The following IMMP2L variants were observed in gnomAD, a reference collection of about 807,000 sequenced individuals.
The protein encoded by IMMP2L is mitochondrial inner membrane protease subunit 2.
Under a neutral mutation model 19.3 loss-of-function variants are expected in IMMP2L, and 18 were observed. That is an observed-to-expected ratio of 0.93 (90% CI 0.64 to 1.38). The LOEUF is 1.38. Among genes scored for constraint, IMMP2L ranks in the 40% most tolerant of loss-of-function variants. The pLI is 0.00. For synonymous variants in IMMP2L, 76 were observed against 73.0 expected, an observed-to-expected ratio of 1.04 and a Z score of -0.21; for missense variants, 233 against 218.2, an observed-to-expected ratio of 1.07 and a Z score of -0.43.
At chr7:110,767,990 T>C (rs928294637) in intron 5 of IMMP2L, among the ~76,000 whole-genome samples, 1 of 152,208 alleles carries the variant, frequency 6.6e-6, no homozygotes, top group Non-Finnish European at 1.5e-5. Context: ...GCTGGTAATA[T>C]AGCAGTAAAC....
intron 3 of IMMP2L, among the ~76,000 whole-genome samples, chr7:111,092,395 C>T (rs1447836327): frequency 4.6e-5 from 7 of 152,096 alleles, no homozygotes; most frequent in Admixed American, 2.0e-4. Flanking sequence ...TGGCTTAATT[C>T]GGCTCTAATT....
chr7:110,955,304 T>C (rs1818255381), intron 4 of IMMP2L, among the ~76,000 whole-genome samples: 1 of 151,920 alleles, frequency 6.6e-6, no homozygotes, highest in South Asian at 2.1e-4. Flanking sequence ...TAATCTATGA[T>C]TCTTCAGTAA....
At chr7:110,752,855 T>G (rs6466358) in intron 5 of IMMP2L, among the ~76,000 whole-genome samples, 1 of 152,020 alleles carries the variant, frequency 6.6e-6, no homozygotes, top group African/African-American at 2.4e-5. Context: ...CACAGATTAT[T>G]GAATATTACA....
intron 3 of IMMP2L, among the ~76,000 whole-genome samples, chr7:111,134,126 T>C (rs528110386): frequency 6.6e-6 from 1 of 152,048 alleles, no homozygotes; most frequent in Non-Finnish European, 1.5e-5. Flanking sequence ...GTCAATTGTA[T>C]TTCTTTTTCA....
intron 3 of IMMP2L, among the ~76,000 whole-genome samples, chr7:111,367,520 T>A (rs1829888720): frequency 6.6e-6 from 1 of 151,678 alleles, no homozygotes; most frequent in African/African-American, 2.4e-5. Flanking sequence ...TTAACAAGAG[T>A]TAATACACAG....
intron 3 of IMMP2L, among the ~76,000 whole-genome samples, chr7:110,980,437 C>A (rs543579659): frequency 1.3e-5 from 2 of 151,826 alleles, no homozygotes; most frequent in Non-Finnish European, 2.9e-5. Context: ...ACCGTGGTCT[C>A]GATCTCCTGA....
At chr7:111,393,871 GT>G (rs899205272) in intron 3 of IMMP2L, among the ~76,000 whole-genome samples, 2 of 152,034 alleles carry the variant, frequency 1.3e-5, no homozygotes, top group Non-Finnish European at 2.9e-5. Flanking sequence ...ATGTACGTGT[GT>G]TTTTTTCCAC....
chr7:111,272,355 G>A (rs535837363), intron 3 of IMMP2L, among the ~76,000 whole-genome samples: 1 of 152,104 alleles, frequency 6.6e-6, no homozygotes, highest in African/African-American at 2.4e-5. Flanking sequence ...CAGCTTAAAT[G>A]GCATGTCTAA....
intron 5 of IMMP2L, among the ~76,000 whole-genome samples, chr7:110,851,294 A>T (rs1806201872): frequency 6.6e-6 from 1 of 152,162 alleles, no homozygotes; most frequent in Non-Finnish European, 1.5e-5. Context: ...CTCAGGATAT[A>T]CAAACACACT....
intron 3 of IMMP2L, among the ~76,000 whole-genome samples, chr7:111,284,731 AGAGT>A (rs1207708457): frequency 6.6e-6 from 1 of 152,216 alleles, no homozygotes; most frequent in East Asian, 1.9e-4. Flanking sequence ...AAAGAAATCC[AGAGT>A]GAAATCTCTA....
chr7:110,685,758 T>C (rs1170359545), intron 5 of IMMP2L, among the ~76,000 whole-genome samples: 1 of 152,104 alleles, frequency 6.6e-6, no homozygotes, highest in African/African-American at 2.4e-5. Flanking sequence ...GGAGCTTTTC[T>C]ATATACTAAG....
intron 1 of IMMP2L, among the ~76,000 whole-genome samples, chr7:111,556,014 G>GTGTGTGTGTGTA: frequency 8.7e-6 from 1 of 114,570 alleles, no homozygotes; most frequent in African/African-American, 3.3e-5. Flanking sequence ...TCTTCTGTGT[G>GTGTGTGTGTGTA]CATGTATATA....
intron 3 of IMMP2L, among the ~76,000 whole-genome samples, chr7:111,243,513 TA>T (rs1815436968): frequency 4.3e-5 from 1 of 23,106 alleles, no homozygotes; most frequent in African/African-American, 1.2e-4. Flanking sequence ...CTTGTTGCTT[TA>T]TTTTTTTTTT....
intron 3 of IMMP2L, among the ~76,000 whole-genome samples, chr7:110,969,241 T>C (rs1819881152): frequency 6.6e-6 from 1 of 152,124 alleles, no homozygotes; most frequent in Non-Finnish European, 1.5e-5. Flanking sequence ...TACTGCCTCA[T>C]TTTTAATGAT....
intron 3 of IMMP2L, among the ~76,000 whole-genome samples, chr7:111,053,631 G>A (rs775561898): frequency 6.6e-6 from 1 of 152,160 alleles, no homozygotes; most frequent in Non-Finnish European, 1.5e-5. Flanking sequence ...ATTCCTGGTG[G>A]TGGGGGCTGA....
At chr7:110,689,646 G>A (rs1052840049) in intron 5 of IMMP2L, among the ~76,000 whole-genome samples, 2 of 152,010 alleles carry the variant, frequency 1.3e-5, no homozygotes, top group Non-Finnish European at 2.9e-5. Context: ...GTATCTTTGA[G>A]ATCATCCTCA....
At chr7:111,040,560 A>T (rs1180100329) in intron 3 of IMMP2L, among the ~76,000 whole-genome samples, 1 of 151,434 alleles carries the variant, frequency 6.6e-6, no homozygotes, top group Non-Finnish European at 1.5e-5. Flanking sequence ...AATCTAAAAG[A>T]TATTTATATC....
chr7:110,693,740 C>T (rs1332946555), intron 5 of IMMP2L, among the ~76,000 whole-genome samples: 1 of 152,138 alleles, frequency 6.6e-6, no homozygotes, highest in African/African-American at 2.4e-5. Context: ...CAAACCAAAC[C>T]AGTGTCATGA....
chr7:110,974,548 T>C (rs1455140584), intron 3 of IMMP2L, among the ~76,000 whole-genome samples: 1 of 152,108 alleles, frequency 6.6e-6, no homozygotes, highest in Non-Finnish European at 1.5e-5. Flanking sequence ...CGTTTTAAAA[T>C]ATAGAGCCCC....
Sources: gnomAD v4.1 joint callset for allele counts (sites outside exome capture counted in the v4.1 genomes callset) on GRCh38, gnomAD v4.1.1 for gene constraint, MANE v1.5 for transcripts, NCBI Gene and HGNC (gene_info 2026-07-23, HGNC 2026-07-21) for gene names.